The following GRB2 variants were observed in gnomAD, a reference collection of about 807,000 sequenced individuals.
GRB2 encodes the protein growth factor receptor-bound protein 2.
A neutral mutation model predicts 27.4 loss-of-function variants in GRB2; 2 were observed. The ratio of observed to expected loss-of-function variants is 0.07; its 90% CI spans 0.03 to 0.23. The LOEUF (loss-of-function observed/expected upper bound fraction) is 0.23. Among genes scored for constraint, GRB2 ranks in the 10% least tolerant of loss-of-function variants. The pLI is 1.00. For synonymous variants in GRB2, 94 were observed against 99.6 expected (o/e 0.94, Z 0.33); for missense variants, 102 against 282.4 (o/e 0.36, Z 4.58).
At chr17:75,338,206 A>C (rs533020538) in intron 2 of GRB2, among the ~76,000 whole-genome samples, 1 of 152,090 alleles carries the variant, frequency 6.6e-6, no homozygotes, top group Non-Finnish European at 1.5e-5. Context: ...CTAGGATTAC[A>C]GGCGCCTGTC....
At chr17:75,367,966 C>T (rs2078830741) in intron 2 of GRB2, among the ~76,000 whole-genome samples, 1 of 151,566 alleles carries the variant, frequency 6.6e-6, no homozygotes, top group African/African-American at 2.4e-5. Flanking sequence ...CACTGCAACC[C>T]CTGCCTCCCA....
chr17:75,324,507 GTTTTTTT>G (rs767194304), intron 4 of GRB2, among the ~76,000 whole-genome samples: 447 of 36,662 alleles, frequency 0.012, 5 homozygotes, highest in African/African-American at 0.028. Context: ...ACCGCACCCA[GTTTTTTT>G]TTTTTTTTTT....
intron 1 of GRB2, among the ~76,000 whole-genome samples, chr17:75,397,529 ATTT>A (rs1210303255): frequency 1.3e-5 from 2 of 152,032 alleles, no homozygotes; most frequent in Non-Finnish European, 2.9e-5. Context: ...TATTTGCAAG[ATTT>A]TTTTTCTTTC....
intron 2 of GRB2, among the ~76,000 whole-genome samples, chr17:75,344,668 C>T (rs2078643135): frequency 6.6e-6 from 1 of 151,992 alleles, no homozygotes; most frequent in South Asian, 2.1e-4. Flanking sequence ...CCAGGATTTA[C>T]AGGTGTTGAG....
chr17:75,329,226 T>C (rs1211449987), intron 3 of GRB2, among the ~76,000 whole-genome samples: 2 of 152,120 alleles, frequency 1.3e-5, no homozygotes, highest in East Asian at 1.9e-4. Context: ...TCTTTCCTCC[T>C]AGGCCCCCAA....
At chr17:75,341,333 T>C (rs945688499) in intron 2 of GRB2, among the ~76,000 whole-genome samples, 1 of 150,444 alleles carries the variant, frequency 6.6e-6, no homozygotes, top group Non-Finnish European at 1.5e-5. Context: ...CTCAGGAGGC[T>C]GAGGCAGGAG....
chr17:75,349,049 A>G (rs565936935), intron 2 of GRB2, among the ~76,000 whole-genome samples: 16 of 152,352 alleles, frequency 1.1e-4, no homozygotes, highest in Middle Eastern at 3.4e-3. Flanking sequence ...TCTAGAAAAA[A>G]GGACAACTTC....
In GRB2 at chr17:75,320,488, G is replaced by A; in HGVS notation, c.534C>T (p.Arg178=). 2 of 1,613,966 alleles carry A rather than the reference G, an allele frequency of 1.2e-6. No individual in the cohort carries two copies. The highest frequency in any genetic ancestry group is 1.1e-5 in the South Asian group (1 of 91,074). ...CCATGACATGGATAAAATCTCCCCG[G>A]CGGAAGCCCAGCTCTCCATCCTCCT... ...DPQEDGELGF[R]RGDFIHVMDN... Residue 178 remains arginine, a synonymous_variant, in exon 6 of 6, where the codon CGC becomes CGT. Coordinates refer to ENST00000316804, the MANE Select transcript of GRB2 (RefSeq NM_002086.5). The surrounding 1 kb of genome is among the most constrained non-coding windows in gnomAD (Gnocchi z 4.3).
intron 2 of GRB2, among the ~76,000 whole-genome samples, chr17:75,357,622 T>C (rs1366682047): frequency 1.3e-5 from 2 of 152,218 alleles, no homozygotes; most frequent in African/African-American, 2.4e-5. Context: ...GGTCTATTCA[T>C]GCTTAAAACT....
Position 75,405,611 on chromosome 17 carries a change from C to G in GRB2, c.-260G>C, listed in dbSNP as rs2079095195. ...CCCGCCGCCGTCACCGCCACAGGCA[C>G]AGACTCTGCCACAGCCGCCGCCGCC... On this transcript the variant is annotated 5_prime_UTR_variant, in exon 1 of 6. Coordinates refer to ENST00000316804, the MANE Select transcript of GRB2 (RefSeq NM_002086.5). 1.2e-5 allele frequency: 2 copies of G among 162,136 alleles called. No individual in the cohort carries two copies. Among genetic ancestry groups the G allele is most frequent in the Middle Eastern group, 3.1e-3 (1 of 322 alleles). 10.0% of individuals were successfully genotyped at this position (162,136 alleles called of 1,614,324 possible). A position where few individuals can be genotyped will look rare whatever the true frequency, so the allele number is the denominator to read the frequency against.
intron 2 of GRB2, among the ~76,000 whole-genome samples, chr17:75,349,795 G>C (rs1037385556): frequency 6.6e-6 from 1 of 151,972 alleles, no homozygotes; most frequent in Non-Finnish European, 1.5e-5. Context: ...TTGTAATCCT[G>C]GGATTACAGG....
chr17:75,374,605 TCACACACA>T (rs112792873), intron 2 of GRB2, among the ~76,000 whole-genome samples: 3 of 147,060 alleles, frequency 2.0e-5, no homozygotes, highest in Non-Finnish European at 4.5e-5. Context: ...ATGCCTGTAG[TCACACACA>T]CACACACACA....
intron 2 of GRB2, among the ~76,000 whole-genome samples, chr17:75,389,387 G>A (rs1458526584): frequency 1.3e-5 from 2 of 152,108 alleles, no homozygotes; most frequent in Non-Finnish European, 2.9e-5. Context: ...AACGACTCTA[G>A]CAGTTACAGT....
At chr17:75,364,808 A>G (rs777723592) in intron 2 of GRB2, among the ~76,000 whole-genome samples, 1 of 151,840 alleles carries the variant, frequency 6.6e-6, no homozygotes, top group African/African-American at 2.4e-5. Context: ...AGTATCTAGT[A>G]CCCAATCTAA....
chr17:75,380,848 C>A (rs2078923492), intron 2 of GRB2, among the ~76,000 whole-genome samples: 2 of 152,190 alleles, frequency 1.3e-5, no homozygotes, highest in African/African-American at 4.8e-5. Flanking sequence ...TCTCAGAAAT[C>A]TGGTTAACAT....
intron 3 of GRB2, among the ~76,000 whole-genome samples, chr17:75,327,393 T>TA (rs1224265019): frequency 9.0e-5 from 11 of 122,602 alleles, no homozygotes; most frequent in African/African-American, 3.5e-4. Flanking sequence ...TTTTTTTAGA[T>TA]AGAGTCTCAC....
rs1598252910 is a variant in GRB2, at chr17:75,387,258, G to A, written c.78+6293C>T. On this transcript the variant is annotated intron_variant, in intron 2 of 5. Coordinates refer to ENST00000316804, the MANE Select transcript of GRB2 (RefSeq NM_002086.5). ...AGATATTTTGAGGCCAGGAGTTCGAGACTAACCTGGCCAACATGGTGAAAC... is the reference window on the plus strand; with the variant it reads ...AGATATTTTGAGGCCAGGAGTTCGAAACTAACCTGGCCAACATGGTGAAAC... Among the ~76,000 whole-genome samples the A allele has an allele frequency of 2.0e-5, 3 of 151,840 alleles. 1 individual carries two copies. The South Asian group carries it at 6.2e-4, about 32-fold the overall frequency.
chr17:75,350,372 T>C (rs1410054134), intron 2 of GRB2, among the ~76,000 whole-genome samples: 1 of 152,204 alleles, frequency 6.6e-6, no homozygotes. Flanking sequence ...GGAAGCCAAG[T>C]TCACTACAAC....
At chr17:75,340,950 G>C (rs9912608) in intron 2 of GRB2, among the ~76,000 whole-genome samples, 90,567 of 151,986 alleles carry the variant, frequency 0.6, 32,354 homozygotes, top group East Asian at 0.87. Flanking sequence ...TGCTCACCCA[G>C]GAACACAGAG....
Sources: allele counts gnomAD v4.1 joint callset (sites outside exome capture counted in the v4.1 genomes callset), GRCh38; gene constraint gnomAD v4.1.1; non-coding constraint Gnocchi (gnomAD v3.1); transcripts MANE v1.5; gene names NCBI Gene and HGNC (gene_info 2026-07-23, HGNC 2026-07-21).